The following PCF11 variants were observed in gnomAD, a reference collection of about 807,000 sequenced individuals.
The protein encoded by PCF11 is PCF11 cleavage and polyadenylation factor subunit.
Under a neutral mutation model 166.1 loss-of-function variants are expected in PCF11, and 19 were observed. That is an observed-to-expected ratio of 0.11 (90% CI 0.08 to 0.17). The LOEUF is 0.17. Ranked by LOEUF, PCF11 falls within the 10% of genes least tolerant of loss-of-function variation. The pLI is 1.00. For synonymous variants in PCF11, 663 were observed against 644.1 expected (o/e 1.03, Z -0.44); for missense variants, 1,565 against 1,855.5 (o/e 0.84, Z 2.88).
exon 16 of PCF11, chr11:83,186,680 T>C (rs909284143): frequency 4.6e-5 from 7 of 152,252 alleles, no homozygotes; most frequent in African/African-American, 1.7e-4. Context: ...ATCAAGTGAA[T>C]ACAATTTTAG....
chr11:83,160,313 T>C (rs1037329072), intron 1 of PCF11, among the ~76,000 whole-genome samples: 1 of 140,948 alleles, frequency 7.1e-6, no homozygotes, highest in South Asian at 2.3e-4. Context: ...TAAATGGGGA[T>C]AACCTAAGTT....
At chr11:83,181,309 A>G (rs1477555333) in intron 12 of PCF11, 118 bp downstream of exon 12, 5 of 301,058 alleles carry the variant, frequency 1.7e-5, no homozygotes, top group Admixed American at 1.0e-4. Flanking sequence ...AATAATTTTA[A>G]TAACTGCTGG....
chr11:83,182,837 G>A (rs1330457004), intron 14 of PCF11, among the ~76,000 whole-genome samples: 1 of 152,196 alleles, frequency 6.6e-6, no homozygotes, highest in African/African-American at 2.4e-5. Flanking sequence ...AGTTAGGCTA[G>A]ATACTTAAAT....
chr11:83,166,519 A>C, exon 5 of PCF11: 1 of 1,613,960 alleles, frequency 6.2e-7, no homozygotes, highest in Non-Finnish European at 8.5e-7. Context: ...TCTAGGGAAG[A>C]CAGAAATGCT....
At chr11:83,158,588 C>G (rs1335216617) in intron 1 of PCF11, 6 of 152,228 alleles carry the variant, frequency 3.9e-5, no homozygotes, top group African/African-American at 1.4e-4. Context: ...AGTAAAGTTA[C>G]TGTTCAACTT....
intron 9 of PCF11, among the ~76,000 whole-genome samples, chr11:83,173,416 C>G (rs1331197780): frequency 6.6e-6 from 1 of 151,654 alleles, no homozygotes; most frequent in East Asian, 1.9e-4. Flanking sequence ...GATCAGGCCA[C>G]TGCACTTAGG....
chr11:83,171,583 A>C (rs1860693226), intron 8 of PCF11, among the ~76,000 whole-genome samples: 1 of 152,200 alleles, frequency 6.6e-6, no homozygotes, highest in Non-Finnish European at 1.5e-5. Flanking sequence ...CTTTTCAAAG[A>C]AGTTTTAACC....
At chr11:83,157,901 G>T (rs764312673) in intron 1 of PCF11, 53 of 479,172 alleles carry the variant, frequency 1.1e-4, no homozygotes, top group Non-Finnish European at 1.7e-4. Context: ...ACACACACAC[G>T]CTTTGAATAG....
chr11:83,160,537 G>A (rs776488220), intron 1 of PCF11, among the ~76,000 whole-genome samples: 2 of 151,878 alleles, frequency 1.3e-5, no homozygotes, highest in Non-Finnish European at 2.9e-5. Context: ...TTTGGAAAGG[G>A]CCACCTGTAT....
chr11:83,164,256 C>G, exon 4 of PCF11: 2 of 1,613,736 alleles, frequency 1.2e-6, no homozygotes, highest in Non-Finnish European at 1.7e-6. Flanking sequence ...CCTAGCATCT[C>G]CACTCCTCCA....
chr11:83,181,484 A>G (rs922617974), intron 12 of PCF11, among the ~76,000 whole-genome samples: 1 of 150,282 alleles, frequency 6.7e-6, no homozygotes, highest in African/African-American at 2.5e-5. Context: ...CCTGGAATAT[A>G]AACACATTTT....
At chr11:83,158,384 C>T (rs1256933075) in intron 1 of PCF11, 4 of 152,102 alleles carry the variant, frequency 2.6e-5, no homozygotes, top group African/African-American at 9.7e-5. Context: ...GAGAACTGGC[C>T]CAGAGGGTAA....
chr11:83,175,244 TGCCTCA>T (rs1460476935), intron 9 of PCF11, among the ~76,000 whole-genome samples: 1 of 152,170 alleles, frequency 6.6e-6, no homozygotes, highest in African/African-American at 2.4e-5. Context: ...ACGATTCTCA[TGCCTCA>T]GCCTTCTGAG....
rs1344853923 is a variant in PCF11, at chr11:83,167,884, A to G, written c.2092+379A>G. The G allele has an allele frequency of 7.7e-7, 1 of 1,305,410 alleles. No homozygotes were observed. 80.9% of individuals were successfully genotyped at this position (1,305,410 alleles called of 1,614,324 possible). Reference sequence around the variant, plus strand: ...GAGGGCCGGAGAAGACATGACGAGCAAGTCTCTGCTAAAGGTAGAAAAAGT... The same window carrying G: ...GAGGGCCGGAGAAGACATGACGAGCGAGTCTCTGCTAAAGGTAGAAAAAGT... On this transcript the variant is annotated intron_variant, in intron 7 of 15. Coordinates refer to ENST00000298281, the Ensembl canonical transcript of PCF11. The surrounding 1 kb of genome is among the most constrained non-coding windows in gnomAD (Gnocchi z 4.2).
At chr11:83,183,103 C>T in intron 15 of PCF11, 30 bp downstream of exon 15, 1 of 1,279,112 alleles carries the variant, frequency 7.8e-7, no homozygotes, top group South Asian at 1.4e-5. Flanking sequence ...TGTATTTGTT[C>T]TCATTTGCAT....
At chr11:83,166,419 A>G in exon 5 of PCF11, 1 of 1,614,036 alleles carries the variant, frequency 6.2e-7, no homozygotes, top group Non-Finnish European at 8.5e-7. Flanking sequence ...ACGAAGGCAA[A>G]GAAGTATGTC....
chr11:83,160,320 A>ATTTTT (rs1860185861), intron 1 of PCF11, among the ~76,000 whole-genome samples: 1 of 73,704 alleles, frequency 1.4e-5, no homozygotes, highest in African/African-American at 5.5e-5. Context: ...GGATAACCTA[A>ATTTTT]GTTTTTTTTT....
chr11:83,160,277 T>TA (rs1255529293), intron 1 of PCF11, among the ~76,000 whole-genome samples: 2 of 150,388 alleles, frequency 1.3e-5, no homozygotes, highest in Non-Finnish European at 1.5e-5. Context: ...TACTTAGGGT[T>TA]AAGATTCCTA....
chr11:83,158,332 G>A (rs1860078167), intron 1 of PCF11: 1 of 152,096 alleles, frequency 6.6e-6, no homozygotes. Flanking sequence ...GTTGAGGGTG[G>A]GGTTTGGGTG....
Sources: gnomAD v4.1 joint callset for allele counts (sites outside exome capture counted in the v4.1 genomes callset) on GRCh38, gnomAD v4.1.1 for gene constraint, Gnocchi (gnomAD v3.1) non-coding constraint, MANE v1.5 for transcripts, NCBI Gene and HGNC (gene_info 2026-07-23, HGNC 2026-07-21) for gene names.